The following THTPA variants were observed in gnomAD, a reference collection of about 807,000 sequenced individuals.
THTPA encodes thiamine triphosphatase.
A neutral mutation model predicts 16.5 loss-of-function variants in THTPA; 16 were observed. The observed-to-expected ratio is 0.97, with a 90% CI of 0.66 to 1.47. THTPA has a LOEUF of 1.47. Among genes scored for constraint, THTPA ranks in the 40% most tolerant of loss-of-function variants. The pLI is 0.00. For synonymous variants in THTPA, 110 were observed against 115.5 expected (o/e 0.95, Z 0.30); for missense variants, 281 against 280.9 (o/e 1.00, Z 0.00).
chr14:23,528,406 T>C, the THTPA span, among the ~76,000 whole-genome samples: 1 of 152,216 alleles, frequency 6.6e-6, no homozygotes, highest in African/African-American at 2.4e-5. Flanking sequence ...TTTCTTGGTG[T>C]GTCTTTCCCA....
At chr14:23,517,285 A>T in the THTPA span, among the ~76,000 whole-genome samples, 1 of 152,128 alleles carries the variant, frequency 6.6e-6, no homozygotes, top group Non-Finnish European at 1.5e-5. Flanking sequence ...AATTACCTTC[A>T]TGATTACTTC....
the THTPA span, chr14:23,534,110 C>T: frequency 2.0e-6 from 3 of 1,491,100 alleles, no homozygotes; most frequent in Non-Finnish European, 1.8e-6. This position sits in a 1 kb window ranked among gnomAD's most constrained non-coding sequence, Gnocchi z 4.5. Flanking sequence ...GGGGAGCCCA[C>T]TGGGGCAGGG....
chr14:23,522,041 A>G, the THTPA span: 1 of 1,536,396 alleles, frequency 6.5e-7, no homozygotes. Context: ...CTCTTTGGCA[A>G]AAGCCACAGC....
upstream of THTPA, among the ~76,000 whole-genome samples, chr14:23,554,483 C>T (rs1006983287): frequency 6.6e-6 from 1 of 152,090 alleles, no homozygotes; most frequent in East Asian, 1.9e-4. Flanking sequence ...CTCAAGCTAT[C>T]CCGCTGCCTC....
the THTPA span, among the ~76,000 whole-genome samples, chr14:23,542,632 T>C: frequency 6.6e-6 from 1 of 152,212 alleles, no homozygotes; most frequent in African/African-American, 2.4e-5. Context: ...ACCCTTCTTC[T>C]GTATGAGCAC....
At chr14:23,541,826 C>T in the THTPA span, among the ~76,000 whole-genome samples, 14 of 65,712 alleles carry the variant, frequency 2.1e-4, no homozygotes, top group Admixed American at 1.5e-3. Flanking sequence ...ATCATTCTAT[C>T]ATCTCTAAAT....
chr14:23,541,000 G>C, the THTPA span, among the ~76,000 whole-genome samples: 1 of 152,040 alleles, frequency 6.6e-6, no homozygotes, highest in Non-Finnish European at 1.5e-5. Context: ...CCACCTCCCA[G>C]GTTCAAGTGA....
chr14:23,527,898 CT>C, the THTPA span: 7 of 824,228 alleles, frequency 8.5e-6, no homozygotes, highest in Non-Finnish European at 1.3e-5. Context: ...CCCGCCCCCA[CT>C]CCTTTTTTTT....
chr14:23,551,648 C>A, upstream of THTPA: 1 of 154,860 alleles, frequency 6.5e-6, no homozygotes, highest in Non-Finnish European at 1.4e-5. The surrounding 1 kb of genome is among the most constrained non-coding windows in gnomAD (Gnocchi z 5.3). Flanking sequence ...CTCGCTCGCT[C>A]CCTGCCTCCT....
upstream of THTPA, among the ~76,000 whole-genome samples, chr14:23,552,124 C>G (rs1009567952): frequency 6.6e-6 from 1 of 152,062 alleles, no homozygotes; most frequent in African/African-American, 2.4e-5. Flanking sequence ...TCCCCCATCT[C>G]CCCCCGCGAA....
the THTPA span, chr14:23,525,448 G>C: frequency 6.5e-7 from 1 of 1,536,102 alleles, no homozygotes; most frequent in Non-Finnish European, 8.7e-7. The surrounding 1 kb of genome is among the most constrained non-coding windows in gnomAD (Gnocchi z 5.9). Flanking sequence ...CATGTTCCTC[G>C]TGTGTCTTGA....
At chr14:23,531,465 G>A in the THTPA span, 1 of 1,390,222 alleles carries the variant, frequency 7.2e-7, no homozygotes. Flanking sequence ...TTATTCTCCA[G>A]TCCCTTCTTC....
upstream of THTPA, among the ~76,000 whole-genome samples, chr14:23,552,064 G>T (rs2138953900): frequency 6.6e-6 from 1 of 152,156 alleles, no homozygotes; most frequent in East Asian, 1.9e-4. Flanking sequence ...GCCCTGAGCC[G>T]CCCAAGGCCT....
chr14:23,533,051 G>T, the THTPA span: 3 of 1,533,918 alleles, frequency 2.0e-6, no homozygotes, highest in Non-Finnish European at 2.6e-6. The surrounding 1 kb of genome is among the most constrained non-coding windows in gnomAD (Gnocchi z 4.8). Flanking sequence ...CTGACTTGGA[G>T]GCAGGTGGGC....
the THTPA span, chr14:23,523,902 G>A: frequency 6.5e-7 from 1 of 1,536,196 alleles, no homozygotes; most frequent in Admixed American, 2.0e-5. This position sits in a 1 kb window ranked among gnomAD's most constrained non-coding sequence, Gnocchi z 4.1. Flanking sequence ...GAAGCTTTAG[G>A]TGGTTCCTCT....
the THTPA span, among the ~76,000 whole-genome samples, chr14:23,519,430 A>G: frequency 3.9e-5 from 6 of 152,330 alleles, no homozygotes; most frequent in Non-Finnish European, 7.3e-5. Context: ...AGTTTTATAT[A>G]TAGAATTTCA....
the THTPA span, chr14:23,525,951 C>T: frequency 6.7e-7 from 1 of 1,495,854 alleles, no homozygotes; most frequent in Non-Finnish European, 8.9e-7. The surrounding 1 kb of genome is among the most constrained non-coding windows in gnomAD (Gnocchi z 5.9). Flanking sequence ...CGGTGCAGGT[C>T]CAAGGGAGGT....
the THTPA span, among the ~76,000 whole-genome samples, chr14:23,520,423 A>G: frequency 6.6e-6 from 1 of 152,044 alleles, no homozygotes; most frequent in African/African-American, 2.4e-5. The surrounding 1 kb of genome is among the most constrained non-coding windows in gnomAD (Gnocchi z 8.7). Context: ...GGAGTTTGTG[A>G]GAAAGGTAAA....
At chr14:23,523,082 C>T in the THTPA span, 2 of 1,402,602 alleles carry the variant, frequency 1.4e-6, no homozygotes, top group Non-Finnish European at 1.8e-6. The surrounding 1 kb of genome is among the most constrained non-coding windows in gnomAD (Gnocchi z 4.1). Flanking sequence ...CCCCCAAGAG[C>T]CTGATGCAAA....
Sources: gnomAD v4.1 joint callset for allele counts (sites outside exome capture counted in the v4.1 genomes callset) on GRCh38, gnomAD v4.1.1 for gene constraint, Gnocchi (gnomAD v3.1) non-coding constraint, MANE v1.5 for transcripts, NCBI Gene and HGNC (gene_info 2026-07-23, HGNC 2026-07-21) for gene names.